The following MFAP1 variants were observed in gnomAD, a reference collection of about 807,000 sequenced individuals.
MFAP1 encodes microfibrillar-associated protein 1.
A neutral mutation model predicts 62.2 loss-of-function variants in MFAP1; 18 were observed. The observed-to-expected ratio is 0.29, with a 90% CI of 0.20 to 0.43. The LOEUF (loss-of-function observed/expected upper bound fraction) is 0.43, where lower values mean the gene tolerates loss of function less well. Ranked by LOEUF, MFAP1 falls within the 20% of genes least tolerant of loss-of-function variation. MFAP1 has a pLI of 1.00. For synonymous variants in MFAP1, 175 were observed against 180.4 expected (o/e 0.97, Z 0.24); for missense variants, 355 against 559.7 (o/e 0.63, Z 3.69).
In MFAP1 at chr15:43,813,097, C is replaced by A; in HGVS notation, c.777G>T (p.Leu259=). 6.2e-7 allele frequency: 1 copy of A among 1,614,210 alleles called. No individual in the cohort carries two copies. The highest frequency in any genetic ancestry group is 8.5e-7 in the Non-Finnish European group (1 of 1,180,038). ...CAGTATTGAGTGCATCCAATGCAGC[C>A]AGGGATCGCTTGTTCTCTTCCAGCT... The part of the protein sequence containing the change: ...KKELEENKRS[L]AALDALNTDD... The change falls in exon 6 of 9, where the codon CTG becomes CTT. Residue 259 remains leucine (L), a synonymous_variant. Coordinates refer to ENST00000267812, the MANE Select transcript of MFAP1 (RefSeq NM_005926.3).
chr15:43,814,190 T>C (rs1367311345), intron 4 of MFAP1, among the ~76,000 whole-genome samples: 2 of 152,014 alleles, frequency 1.3e-5, no homozygotes, highest in East Asian at 1.9e-4. Flanking sequence ...GTGGAGGTTG[T>C]GGTGAGCCGA....
At position 43,813,490 on chromosome 15, in the gene MFAP1, C is replaced by T. The variant is rs545366721; in HGVS notation, c.618-133G>A. Reference sequence around the variant, plus strand: ...TCTATTATTTTCAAAGAGCAAAAAACGCTGAGTCATCCCAGGTCTTTTTTT... The same window carrying T: ...TCTATTATTTTCAAAGAGCAAAAAATGCTGAGTCATCCCAGGTCTTTTTTT... On this transcript the variant is annotated intron_variant, in intron 4 of 8. Transcript: ENST00000267812. The T allele has an allele frequency of 3.9e-4, 273 of 698,744 alleles. 3 individuals carry two copies. The highest frequency in any genetic ancestry group is 3.6e-3 in the African/African-American group (188 of 52,656). 43.3% of individuals were successfully genotyped at this position (698,744 alleles called of 1,614,324 possible). A position where few individuals can be genotyped will look rare whatever the true frequency, so the allele number is the denominator to read the frequency against.
chr15:43,814,775 A>C (rs2087423902), intron 3 of MFAP1, 87 bp from the exon 4 acceptor site: 1 of 1,517,678 alleles, frequency 6.6e-7, no homozygotes, highest in Admixed American at 2.0e-5. Context: ...CAAATGTAAA[A>C]AGATACAACT....
chr15:43,817,338 T>C lies in MFAP1; in HGVS notation c.190A>G (p.Lys64Glu). ...DEEDEEFQFIKKAKEQEAEPE... is the reference protein window; with the variant it reads ...DEEDEEFQFIEKAKEQEAEPE... ...TCTGCTTCTTGTTCTTTGGCTTTCTTAATGAACTGAAATTCTTCATCCTCC... is the reference window on the plus strand; with the variant it reads ...TCTGCTTCTTGTTCTTTGGCTTTCTCAATGAACTGAAATTCTTCATCCTCC... Residue 64 changes from lysine (K) to glutamate (E), a missense_variant, in exon 2 of 9, where the codon AAG becomes GAG. Coordinates refer to ENST00000267812, the MANE Select transcript of MFAP1 (RefSeq NM_005926.3). 1 of 1,614,200 alleles carries C rather than the reference T, an allele frequency of 6.2e-7. No homozygotes were observed. Among genetic ancestry groups the C allele is most frequent in the Non-Finnish European group, 8.5e-7 (1 of 1,180,044 alleles).
Position 43,824,624 on chromosome 15 carries a change from C to T in MFAP1, c.-55G>A. 5 of 1,569,872 alleles carry T rather than the reference C, an allele frequency of 3.2e-6. No individual in the cohort carries two copies. Among genetic ancestry groups the T allele is most frequent in the South Asian group, 2.2e-5 (2 of 89,916 alleles). On this transcript the variant is annotated 5_prime_UTR_variant, in exon 1 of 9. In the 5' UTR this introduces an upstream ATG that the reference lacks. Transcript: ENST00000267812. Reference sequence around the variant, plus strand: ...CTTGACTAATTCCAAACAGTGAACACCAGCAACGTCAACGAAGAGAAGAAA... The same window carrying T: ...CTTGACTAATTCCAAACAGTGAACATCAGCAACGTCAACGAAGAGAAGAAA...
intron 6 of MFAP1, 98 bp from the exon 7 acceptor site, chr15:43,810,012 A>G (rs1487114131): frequency 1.4e-6 from 2 of 1,406,496 alleles, no homozygotes; most frequent in African/African-American, 2.9e-5. Flanking sequence ...AGTATTAGTC[A>G]CCTTCTTTAA....
chr15:43,818,088 C>T (rs1021815122), intron 1 of MFAP1, among the ~76,000 whole-genome samples: 24 of 148,414 alleles, frequency 1.6e-4, no homozygotes, highest in South Asian at 4.2e-4. Flanking sequence ...GGCGTGGTCT[C>T]GGCTCACTGC....
intron 4 of MFAP1, 120 bp downstream of exon 4, chr15:43,814,381 G>A: frequency 1.7e-6 from 2 of 1,170,348 alleles, no homozygotes; most frequent in South Asian, 3.1e-5. Flanking sequence ...TAGAGCACTA[G>A]CAAAAGCACT....
chr15:43,810,359 C>CTT (rs372486106), intron 6 of MFAP1, among the ~76,000 whole-genome samples: 8 of 142,920 alleles, frequency 5.6e-5, no homozygotes, highest in Admixed American at 1.4e-4. Context: ...ATTGCAGTAA[C>CTT]TTTTTTTTTT....
At chr15:43,815,189 T>TC in intron 2 of MFAP1, 115 bp from the exon 3 acceptor site, 2 of 1,390,090 alleles carry the variant, frequency 1.4e-6, no homozygotes, top group African/African-American at 1.4e-5. Context: ...CTGAAGTTTT[T>TC]TTTTTTTTGA....
Position 43,813,297 on chromosome 15 carries a change from C to G in MFAP1, c.678G>C (p.Glu226Asp). 6.2e-7 allele frequency: 1 copy of G among 1,612,736 alleles called. No homozygotes were observed. The highest frequency in any genetic ancestry group is 8.5e-7 in the Non-Finnish European group (1 of 1,179,686). ...EAEALKQKEL[E>D]QEAKRMAEER... The stretch of plus-strand genomic sequence containing the variant: ...CCTCAGCCATGCGTTTTGCTTCCTG[C>G]TCCAGCTCCTTCTGTTTCAATGCTT... The change falls in exon 5 of 9, where the codon GAG (glutamate) becomes GAC (aspartate). Residue 226 changes from glutamate (E) to aspartate (D), a missense_variant. This residue lies in a region of MFAP1 where 257 missense variants were observed against 341.3 expected (regional missense o/e 0.75). Coordinates refer to ENST00000267812, the MANE Select transcript of MFAP1 (RefSeq NM_005926.3).
chr15:43,819,562 G>A (rs1384751212), intron 1 of MFAP1, among the ~76,000 whole-genome samples: 2 of 151,786 alleles, frequency 1.3e-5, no homozygotes, highest in Non-Finnish European at 1.5e-5. Flanking sequence ...ATGGAGTCTC[G>A]CTCTGTTGCC....
In MFAP1 at chr15:43,805,068, C is replaced by T. The variant is rs374489827; in HGVS notation, c.*26G>A. The T allele has an allele frequency of 3.9e-5, 60 of 1,545,788 alleles. No individual in the cohort carries two copies. The highest frequency in any genetic ancestry group is 1.5e-4 in the African/African-American group (11 of 73,008). On this transcript the variant is annotated 3_prime_UTR_variant, in exon 9 of 9. Coordinates refer to ENST00000267812, the MANE Select transcript of MFAP1 (RefSeq NM_005926.3). ...ATGCTGAGACTCCCCTTGTGTTCCACAGTTGGAAGAATAAGCAGTTGGACC... is the reference window on the plus strand; with the variant it reads ...ATGCTGAGACTCCCCTTGTGTTCCATAGTTGGAAGAATAAGCAGTTGGACC...
At chr15:43,821,144 T>C (rs1053028690) in intron 1 of MFAP1, among the ~76,000 whole-genome samples, 2 of 152,066 alleles carry the variant, frequency 1.3e-5, no homozygotes, top group Non-Finnish European at 2.9e-5. Flanking sequence ...AGTTTTAAAA[T>C]ACCATTAACG....
intron 4 of MFAP1, among the ~76,000 whole-genome samples, chr15:43,814,124 A>G (rs2087420111): frequency 6.6e-6 from 1 of 152,040 alleles, no homozygotes; most frequent in Admixed American, 6.6e-5. Context: ...GTGGTGGCGC[A>G]TGCCTGTAAT....
At chr15:43,817,155 T>G (rs1183913650) in intron 2 of MFAP1, 74 bp downstream of exon 2, 6 of 1,381,248 alleles carry the variant, frequency 4.3e-6, no homozygotes, top group Non-Finnish European at 6.1e-6. Context: ...GTAGTACTAT[T>G]CAAGTATTAG....
Position 43,813,118 on chromosome 15 carries a change from C to T in MFAP1, c.756G>A (p.Leu252=). The T allele has an allele frequency of 6.2e-6, 10 of 1,614,128 alleles. No homozygotes were observed. The highest frequency in any genetic ancestry group is 7.6e-6 in the Non-Finnish European group (9 of 1,180,038). ...KIVEEETKKE[L]EENKRSLAAL... Reference sequence around the variant, plus strand: ...CAGCCAGGGATCGCTTGTTCTCTTCCAGCTCTTTTTTGGTTTCCTCTTCGA... The same window carrying T: ...CAGCCAGGGATCGCTTGTTCTCTTCTAGCTCTTTTTTGGTTTCCTCTTCGA... The change falls in exon 6 of 9, where the codon CTG becomes CTA. Residue 252 remains leucine (L), a synonymous_variant. Transcript: ENST00000267812.
At chr15:43,822,483 C>CCT (rs1290563612) in intron 1 of MFAP1, among the ~76,000 whole-genome samples, 3 of 152,176 alleles carry the variant, frequency 2.0e-5, no homozygotes, top group Non-Finnish European at 4.4e-5. Flanking sequence ...AAGTGATTCT[C>CCT]CTGCCTCAGC....
chr15:43,815,846 C>T (rs1034442945), intron 2 of MFAP1, among the ~76,000 whole-genome samples: 1 of 152,150 alleles, frequency 6.6e-6, no homozygotes, highest in African/African-American at 2.4e-5. Context: ...ATTGGCCAGG[C>T]TAGTCTTGAA....
Sources: gnomAD v4.1 joint callset for allele counts (sites outside exome capture counted in the v4.1 genomes callset) on GRCh38, gnomAD v4.1.1 for gene constraint, gnomAD v4.1.1 regional missense constraint, MANE v1.5 for transcripts, NCBI Gene and HGNC (gene_info 2026-07-23, HGNC 2026-07-21) for gene names.